Variants in UNC5D observed in about 807,000 individuals in gnomAD.
UNC5D encodes the protein netrin receptor UNC5D.
A neutral mutation model predicts 105.4 loss-of-function variants in UNC5D; 39 were observed. The ratio of observed to expected loss-of-function variants is 0.37; its 90% CI spans 0.29 to 0.48. The LOEUF (loss-of-function observed/expected upper bound fraction) is 0.48. Among genes scored for constraint, UNC5D ranks in the 20% least tolerant of loss-of-function variants. The pLI is 0.98. For missense variants in UNC5D, 991 were observed against 1,202.4 expected, an observed-to-expected ratio of 0.82 and a Z score of 2.60; for synonymous variants, 452 against 450.4, an observed-to-expected ratio of 1.00 and a Z score of -0.04.
At chr8:35,560,838 G>A (rs561127235) in intron 2 of UNC5D, among the ~76,000 whole-genome samples, 1 of 152,290 alleles carries the variant, frequency 6.6e-6, no homozygotes, top group African/African-American at 2.4e-5. Context: ...CACATGGGGA[G>A]CCTCTGCTGG....
intron 1 of UNC5D, among the ~76,000 whole-genome samples, chr8:35,362,779 A>ATT: frequency 6.6e-6 from 1 of 152,246 alleles, no homozygotes; most frequent in East Asian, 1.9e-4. Context: ...GAGAATAAAT[A>ATT]TTTTTGGCTT....
At chr8:35,249,017 T>TATATAATA (rs1803479136) in intron 1 of UNC5D, among the ~76,000 whole-genome samples, 1 of 46,090 alleles carries the variant, frequency 2.2e-5, no homozygotes, top group Middle Eastern at 0.018. Context: ...ATAATATATA[T>TATATAATA]TATATATGTT....
At chr8:35,355,906 G>T (rs1801524387) in intron 1 of UNC5D, among the ~76,000 whole-genome samples, 3 of 151,984 alleles carry the variant, frequency 2.0e-5, no homozygotes, top group Admixed American at 6.6e-5. Context: ...AGCAGAGATG[G>T]GGCCCTCACC....
At chr8:35,505,557 C>T (rs1812256158) in intron 1 of UNC5D, among the ~76,000 whole-genome samples, 1 of 152,048 alleles carries the variant, frequency 6.6e-6, no homozygotes. Context: ...AGGTTTGTGG[C>T]AAGGGTTTAT....
chr8:35,719,188 G>A lies in UNC5D; in HGVS notation c.1118-3022G>A, dbSNP rs923035504. ...CACACACACACACACACACACACAC[G>A]ACTTTCTCCCTTCTCTCATGAAGTC... On this transcript the variant is annotated intron_variant, in intron 8 of 16. Coordinates refer to ENST00000404895, the MANE Select transcript of UNC5D (RefSeq NM_080872.4). Among the ~76,000 whole-genome samples the A allele has an allele frequency of 8.0e-5, 6 of 75,444 alleles. No individual in the cohort carries two copies. In the East Asian group the frequency reaches 2.4e-3, roughly 30 times the overall value. 49.5% of individuals were successfully genotyped at this position (75,444 alleles called of 152,430 possible).
At chr8:35,574,202 C>T (rs1264779524) in intron 3 of UNC5D, among the ~76,000 whole-genome samples, 2 of 150,372 alleles carry the variant, frequency 1.3e-5, no homozygotes, top group Non-Finnish European at 3.0e-5. Flanking sequence ...AAATATTGGG[C>T]CTATACCACT....
intron 1 of UNC5D, among the ~76,000 whole-genome samples, chr8:35,455,961 C>A (rs1226301887): frequency 1.3e-5 from 2 of 152,038 alleles, no homozygotes; most frequent in South Asian, 2.1e-4. Context: ...AGGGACACAG[C>A]CAAACCATAT....
At chr8:35,614,989 C>T (rs1820924235) in intron 4 of UNC5D, among the ~76,000 whole-genome samples, 2 of 147,754 alleles carry the variant, frequency 1.4e-5, no homozygotes, top group South Asian at 4.5e-4. Context: ...GCAAGAGAAT[C>T]GCTTGAGGCC....
chr8:35,549,540 G>A, intron 2 of UNC5D, 30 bp downstream of exon 2: 7 of 1,595,374 alleles, frequency 4.4e-6, no homozygotes, highest in Non-Finnish European at 6.0e-6. Context: ...AGAAGCAGCT[G>A]TGGTGACTCT....
chr8:35,236,844 C>T lies in UNC5D; in HGVS notation c.103+957C>T, dbSNP rs192894401. Among the ~76,000 whole-genome samples, 1,100 of 152,252 alleles carry T rather than the reference C, an allele frequency of 7.2e-3. 5 individuals are homozygous for T. Among genetic ancestry groups the T allele is most frequent in the Non-Finnish European group, 0.012 (831 of 68,010 alleles). ...GCTTTGCCTTCCCGCCCTTCTTTCC[C>T]TTTTTCCTTCTCTGTGTTCCATCCA... On this transcript the variant is annotated intron_variant, in intron 1 of 16. Coordinates refer to ENST00000404895, the MANE Select transcript of UNC5D (RefSeq NM_080872.4).
At chr8:35,748,458 C>A in intron 11 of UNC5D, 69 bp from the exon 12 acceptor site, 2 of 1,509,760 alleles carry the variant, frequency 1.3e-6, no homozygotes, top group South Asian at 1.3e-5. Context: ...GTCTGTTAAC[C>A]AAATTCTCAT....
At chr8:35,743,847 T>C (rs970938737) in intron 11 of UNC5D, among the ~76,000 whole-genome samples, 13 of 152,184 alleles carry the variant, frequency 8.5e-5, no homozygotes, top group Non-Finnish European at 2.9e-5. Flanking sequence ...CTTCCATGTA[T>C]ATATCCCCCA....
chr8:35,490,504 A>G (rs1048534783), intron 1 of UNC5D, among the ~76,000 whole-genome samples: 15 of 152,178 alleles, frequency 9.9e-5, no homozygotes, highest in Admixed American at 9.2e-4. Flanking sequence ...AGCCTGGGTG[A>G]CAGAGCAAGA....
At chr8:35,235,934 G>C in intron 1 of UNC5D, 47 bp downstream of exon 1, 1 of 1,219,066 alleles carries the variant, frequency 8.2e-7, no homozygotes, top group Non-Finnish European at 1.0e-6. Flanking sequence ...GCGCAGGGGC[G>C]CCAGCCTGAC....
chr8:35,620,189 T>A (rs140802101), intron 4 of UNC5D, among the ~76,000 whole-genome samples: 142 of 152,366 alleles, frequency 9.3e-4, no homozygotes, highest in African/African-American at 3.1e-3. Context: ...ACCTCCTTTG[T>A]ACTTGATCCA....
intron 1 of UNC5D, among the ~76,000 whole-genome samples, chr8:35,463,117 T>C (rs1374291042): frequency 3.3e-5 from 5 of 152,164 alleles, no homozygotes; most frequent in Non-Finnish European, 7.3e-5. Context: ...GCATTTCCAA[T>C]TGGATTTGTG....
At chr8:35,533,119 C>T (rs892421095) in intron 1 of UNC5D, among the ~76,000 whole-genome samples, 249 of 151,846 alleles carry the variant, frequency 1.6e-3, no homozygotes, top group African/African-American at 5.3e-3. Context: ...GGAGGAGAGG[C>T]GCTCTGCATT....
chr8:35,754,783 A>G (rs1052780269), intron 13 of UNC5D, among the ~76,000 whole-genome samples: 2 of 152,186 alleles, frequency 1.3e-5, no homozygotes, highest in African/African-American at 4.8e-5. Flanking sequence ...TATCTGAGTA[A>G]TACTAGCAAT....
At chr8:35,670,598 T>TAACA (rs1302278833) in intron 4 of UNC5D, among the ~76,000 whole-genome samples, 1 of 151,974 alleles carries the variant, frequency 6.6e-6, no homozygotes, top group Non-Finnish European at 1.5e-5. Flanking sequence ...CTCAGCAAAC[T>TAACA]AACACAGGAA....
Sources: gnomAD v4.1 joint callset for allele counts (sites outside exome capture counted in the v4.1 genomes callset) on GRCh38, gnomAD v4.1.1 for gene constraint, MANE v1.5 for transcripts, NCBI Gene and HGNC (gene_info 2026-07-23, HGNC 2026-07-21) for gene names.